SLC4A5: variants seen among roughly 807,000 people sequenced by gnomAD.
SLC4A5 encodes solute carrier family 4 member 5, also known as electrogenic sodium bicarbonate cotransporter 4.
SLC4A5 carries 96 observed loss-of-function variants against 120.4 expected under a neutral mutation model. The ratio of observed to expected loss-of-function variants is 0.80; its 90% CI spans 0.68 to 0.94. The LOEUF is 0.94. Among genes scored for constraint, SLC4A5 ranks in the 40% least tolerant of loss-of-function variants. The probability of loss-of-function intolerance (pLI) is 0.00; values close to 1 mark genes in which losing one functional copy is unlikely to be tolerated. For missense variants in SLC4A5, 1,259 were observed against 1,459.5 expected (o/e 0.86, Z 2.24); for synonymous variants, 550 against 571.1 (o/e 0.96, Z 0.53).
Position 74,255,362 on chromosome 2 carries a change from G to A in SLC4A5, c.1025+413C>T, listed in dbSNP as rs140432512. Among the ~76,000 whole-genome samples the A allele has an allele frequency of 4.9e-3, 743 of 151,986 alleles. 10 individuals carry two copies. The highest frequency in any genetic ancestry group is 0.017 in the African/African-American group (709 of 41,432). On this transcript the variant is annotated intron_variant, in intron 13 of 30. Transcript: ENST00000394019. The surrounding 1 kb of genome is among the most constrained non-coding windows in gnomAD (Gnocchi z 4.0). ...GGCTGGGGTGCAATAGCATGATCTCGGCTCACTGCAACCTCTGCCTCCCGG... is the reference window on the plus strand; with the variant it reads ...GGCTGGGGTGCAATAGCATGATCTCAGCTCACTGCAACCTCTGCCTCCCGG...
chr2:74,239,563 G>A, intron 20 of SLC4A5, 28 bp from the exon 21 acceptor site: 1 of 1,609,352 alleles, frequency 6.2e-7, no homozygotes, highest in Non-Finnish European at 8.5e-7. Context: ...GGAGAGAATG[G>A]GTCAGCATCT....
At position 74,221,438 on chromosome 2, in the gene SLC4A5, G is replaced by C. The variant is rs201400466; in HGVS notation, c.*29C>G. 3.7e-6 allele frequency: 6 copies of C among 1,610,406 alleles called. No individual in the cohort carries two copies. In the African/African-American group the frequency reaches 8.0e-5, roughly 22 times the overall value. Reference sequence around the variant, plus strand: ...AGTCTACCTAACAGTGTTTACCTTCGGTCAAGTTCTGTGTCACTGAAGGAA... The same window carrying C: ...AGTCTACCTAACAGTGTTTACCTTCCGTCAAGTTCTGTGTCACTGAAGGAA... On this transcript the variant is annotated 3_prime_UTR_variant, in exon 30 of 31. Coordinates refer to ENST00000394019, the Ensembl canonical transcript of SLC4A5.
At chr2:74,269,539 A>G (rs1403406532) in intron 8 of SLC4A5, among the ~76,000 whole-genome samples, 1 of 152,034 alleles carries the variant, frequency 6.6e-6, no homozygotes, top group East Asian at 1.9e-4. Flanking sequence ...GGCCAGTCCA[A>G]ATGTTTTAGT....
exon 31 of SLC4A5, chr2:74,217,463 T>G (rs776384986): frequency 6.6e-6 from 1 of 152,228 alleles, no homozygotes; most frequent in African/African-American, 2.4e-5. Flanking sequence ...TATTGCAAAG[T>G]TGTAATGTAA....
intron 7 of SLC4A5, among the ~76,000 whole-genome samples, chr2:74,302,310 A>G (rs1672497078): frequency 6.6e-6 from 1 of 152,172 alleles, no homozygotes; most frequent in African/African-American, 2.4e-5. Flanking sequence ...ATGCACCAAT[A>G]TATTTGGTAC....
intron 23 of SLC4A5, among the ~76,000 whole-genome samples, chr2:74,233,005 G>C (rs572450012): frequency 6.6e-6 from 1 of 152,152 alleles, no homozygotes; most frequent in South Asian, 2.1e-4. Flanking sequence ...TGGGGGAGGG[G>C]GTGACCCGAG....
At chr2:74,251,242 C>A (rs1670780429) in intron 16 of SLC4A5, among the ~76,000 whole-genome samples, 3 of 151,930 alleles carry the variant, frequency 2.0e-5, no homozygotes, top group South Asian at 4.2e-4. Context: ...CTGGACATTG[C>A]CAAATTCCCT....
intron 28 of SLC4A5, 80 bp from the exon 29 acceptor site, chr2:74,223,032 T>C: frequency 5.2e-6 from 5 of 955,072 alleles, no homozygotes; most frequent in Non-Finnish European, 7.7e-6. Context: ...TGAGACAGAG[T>C]CTCGCTCTAC....
intron 20 of SLC4A5, among the ~76,000 whole-genome samples, chr2:74,240,136 G>A (rs1670394141): frequency 6.6e-6 from 1 of 151,534 alleles, no homozygotes; most frequent in Non-Finnish European, 1.5e-5. Flanking sequence ...CATCTTAGCT[G>A]GCCTAGCCCA....
chr2:74,288,479 G>A (rs539797260), intron 7 of SLC4A5, among the ~76,000 whole-genome samples: 5 of 152,272 alleles, frequency 3.3e-5, no homozygotes, highest in Admixed American at 6.5e-5. Flanking sequence ...GATCATCGCC[G>A]CTCTGAACTG....
At chr2:74,263,712 T>C (rs1425676458) in intron 10 of SLC4A5, among the ~76,000 whole-genome samples, 1 of 152,046 alleles carries the variant, frequency 6.6e-6, no homozygotes, top group Non-Finnish European at 1.5e-5. Flanking sequence ...CTCTAGGGGG[T>C]TTGATGTGAA....
At position 74,259,741 on chromosome 2, in the gene SLC4A5, C is replaced by A. The variant is rs994350132; in HGVS notation, c.812-98G>T. 17 of 1,122,970 alleles carry A rather than the reference C, an allele frequency of 1.5e-5. No individual in the cohort carries two copies. In the African/African-American group the frequency reaches 2.0e-4, roughly 13 times the overall value. 69.6% of individuals were successfully genotyped at this position (1,122,970 alleles called of 1,614,324 possible). A position where few individuals can be genotyped will look rare whatever the true frequency, so the allele number is the denominator to read the frequency against. On this transcript the variant is annotated intron_variant, in intron 11 of 30. Transcript: ENST00000394019. ...TCATGTACCTCTCCCATGTTCATAA[C>A]CAAAGCAAACTCCCTCCCCCTTAAT...
chr2:74,286,447 G>C (rs1671986413), intron 7 of SLC4A5, among the ~76,000 whole-genome samples: 1 of 152,204 alleles, frequency 6.6e-6, no homozygotes, highest in African/African-American at 2.4e-5. Flanking sequence ...CTTCCTGGGT[G>C]TCTCCCAGGC....
chr2:74,252,999 T>TG lies in SLC4A5; in HGVS notation c.1242dup (p.Lys415GlnfsTer7). ...CTCTTGTCAGCAGAGGGCACCTTCT[T>TG]GGGGGGCTCAATCCGGATATTTGGG... is the stretch of plus-strand genomic sequence containing the variant. On this transcript the variant is annotated frameshift_variant, in exon 15 of 31. Coordinates refer to ENST00000394019, the Ensembl canonical transcript of SLC4A5. LOFTEE classifies it high-confidence loss of function. 1 of 1,614,112 alleles carries TG rather than the reference T, an allele frequency of 6.2e-7. No individual in the cohort carries two copies. Among genetic ancestry groups the TG allele is most frequent in the Non-Finnish European group, 8.5e-7 (1 of 1,180,022 alleles).
chr2:74,304,059 C>T lies in SLC4A5; in HGVS notation c.271+430G>A, dbSNP rs369582235. On this transcript the variant is annotated intron_variant, in intron 7 of 30. Coordinates refer to ENST00000394019, the Ensembl canonical transcript of SLC4A5. Reference sequence around the variant, plus strand: ...AGAGACGGGGTTTCACCGTTTTAGCCGGGATGGTCTCGATCTCCTGACCTC... The same window carrying T: ...AGAGACGGGGTTTCACCGTTTTAGCTGGGATGGTCTCGATCTCCTGACCTC... 9.5e-4 allele frequency among the ~76,000 whole-genome samples: 144 copies of T among 152,056 alleles called. 2 individuals carry two copies. Among genetic ancestry groups the T allele is most frequent in the African/African-American group, 2.7e-3 (113 of 41,466 alleles).
At position 74,290,499 on chromosome 2, in the gene SLC4A5, G is replaced by C. The variant is rs895432542; in HGVS notation, c.272-4597C>G. On this transcript the variant is annotated intron_variant, in intron 7 of 30. Coordinates refer to ENST00000394019, the Ensembl canonical transcript of SLC4A5. ...GGTGGAGAGAGAGGCTATATGTAGAGAGAATATAGGTGTGGTAAGTGTAAG... is the reference window on the plus strand; with the variant it reads ...GGTGGAGAGAGAGGCTATATGTAGACAGAATATAGGTGTGGTAAGTGTAAG... 3.0e-6 allele frequency: 3 copies of C among 985,002 alleles called. No homozygotes were observed. The Admixed American group carries it at 1.8e-4, about 61-fold the overall frequency. 61.0% of individuals were successfully genotyped at this position (985,002 alleles called of 1,614,324 possible).
Position 74,255,403 on chromosome 2 carries a change from C to T in SLC4A5, c.1025+372G>A, listed in dbSNP as rs1327180550. ...TGCCTCCCGGGTTCAAGTGATTCTCCTGCCTCAGCCTCCCGAGGAGCTGGG... is the reference window on the plus strand; with the variant it reads ...TGCCTCCCGGGTTCAAGTGATTCTCTTGCCTCAGCCTCCCGAGGAGCTGGG... On this transcript the variant is annotated intron_variant, in intron 13 of 30. Transcript: ENST00000394019. The surrounding 1 kb of genome is among the most constrained non-coding windows in gnomAD (Gnocchi z 4.0). Among the ~76,000 whole-genome samples the T allele has an allele frequency of 1.3e-5, 2 of 152,196 alleles. No homozygotes were observed. Among genetic ancestry groups the T allele is most frequent in the Non-Finnish European group, 2.9e-5 (2 of 68,030 alleles).
chr2:74,249,087 C>T (rs934120679), intron 17 of SLC4A5, among the ~76,000 whole-genome samples: 1 of 152,152 alleles, frequency 6.6e-6, no homozygotes, highest in Admixed American at 6.5e-5. Flanking sequence ...TAGTAGCATC[C>T]ACAGCCTCTA....
intron 6 of SLC4A5, 150 bp downstream of exon 6, chr2:74,314,795 T>C (rs994200802): frequency 7.2e-6 from 5 of 690,238 alleles, no homozygotes; most frequent in African/African-American, 1.8e-5. Context: ...CCATGAAGGC[T>C]GGTCCCACCA....
Sources: gnomAD v4.1 joint callset for allele counts (sites outside exome capture counted in the v4.1 genomes callset) on GRCh38, gnomAD v4.1.1 for gene constraint, Gnocchi (gnomAD v3.1) non-coding constraint, MANE v1.5 for transcripts, NCBI Gene and HGNC (gene_info 2026-07-23, HGNC 2026-07-21) for gene names.